The following SLC12A7 variants were observed in gnomAD, a reference collection of about 807,000 sequenced individuals.
SLC12A7 encodes the protein solute carrier family 12 member 7.
In SLC12A7, 100 loss-of-function variants were observed where a neutral mutation model predicts 120.6. The observed-to-expected ratio is 0.83, with a 90% CI of 0.71 to 0.98. The LOEUF is 0.98. Among genes scored for constraint, SLC12A7 ranks in the 50% least tolerant of loss-of-function variants. The pLI, the probability that SLC12A7 is intolerant of heterozygous loss-of-function variation, is 0.00. For synonymous variants in SLC12A7, 760 were observed against 678.0 expected (o/e 1.12, Z -1.88); for missense variants, 1,373 against 1,548.1 (o/e 0.89, Z 1.90).
intron 20 of SLC12A7, among the ~76,000 whole-genome samples, chr5:1,062,584 T>C (rs1023663611): frequency 1.3e-5 from 2 of 151,986 alleles, no homozygotes; most frequent in Non-Finnish European, 2.9e-5. Flanking sequence ...CACAGAAGGT[T>C]GTCGGTGAGG....
the SLC12A7 span, among the ~76,000 whole-genome samples, chr5:1,130,304 G>A: frequency 6.6e-6 from 1 of 152,214 alleles, no homozygotes; most frequent in Non-Finnish European, 1.5e-5. Context: ...CAAGGGACCT[G>A]GGCAGGCACC....
At chr5:1,122,205 C>A in the SLC12A7 span, among the ~76,000 whole-genome samples, 1 of 152,214 alleles carries the variant, frequency 6.6e-6, no homozygotes, top group Non-Finnish European at 1.5e-5. Flanking sequence ...CCTGCCCTTG[C>A]GCATGGGCCT....
chr5:1,127,590 T>C, the SLC12A7 span, among the ~76,000 whole-genome samples: 223 of 152,330 alleles, frequency 1.5e-3, no homozygotes, highest in Non-Finnish European at 2.6e-3. Context: ...AGGAAACTGA[T>C]GGATATACAA....
chr5:1,087,343 G>A (rs985231010), intron 5 of SLC12A7, among the ~76,000 whole-genome samples: 2 of 152,238 alleles, frequency 1.3e-5, no homozygotes, highest in Non-Finnish European at 2.9e-5. Context: ...GCGTACATCA[G>A]TGGCAGCCCC....
chr5:1,079,915 C>G (rs77464269), intron 9 of SLC12A7, among the ~76,000 whole-genome samples: 1 of 152,212 alleles, frequency 6.6e-6, no homozygotes, highest in Non-Finnish European at 1.5e-5. Flanking sequence ...GGCCAGCAGA[C>G]GCTGCGACCC....
In SLC12A7 at chr5:1,073,699, G is replaced by C. The variant is rs753976124; in HGVS notation, c.2175C>G (p.Thr725=). Reference sequence around the variant, plus strand: ...TCCCCTCCAGCACCGAGCCCACGATGGTCAGGCCCTTGCCGGCCTTCAGCT... The same window carrying C: ...TCCCCTCCAGCACCGAGCCCACGATCGTCAGGCCCTTGCCGGCCTTCAGCT... The part of the protein sequence containing the change: ...TSQLKAGKGL[T]IVGSVLEGTY... The change falls in exon 17 of 24, where the codon ACC becomes ACG. Residue 725 remains threonine (T), a synonymous_variant. Transcript: ENST00000264930. The C allele has an allele frequency of 2.6e-6, 4 of 1,562,478 alleles. No homozygotes were observed. Among genetic ancestry groups the C allele is most frequent in the Middle Eastern group, 1.7e-4 (1 of 5,892 alleles).
At chr5:1,064,051 T>C in intron 19 of SLC12A7, 32 bp downstream of exon 19, 1 of 1,600,484 alleles carries the variant, frequency 6.2e-7, no homozygotes, top group Non-Finnish European at 8.5e-7. Context: ...GTGGCCGTGC[T>C]CCGGCTGGCG....
the SLC12A7 span, among the ~76,000 whole-genome samples, chr5:1,132,060 G>A: frequency 2.0e-5 from 3 of 152,178 alleles, no homozygotes; most frequent in South Asian, 2.1e-4. Context: ...GAGGCAGGTC[G>A]TTAAAACCTT....
the SLC12A7 span, among the ~76,000 whole-genome samples, chr5:1,154,133 C>T: frequency 6.6e-6 from 1 of 151,318 alleles, no homozygotes; most frequent in African/African-American, 2.4e-5. Flanking sequence ...CCCTAACCCA[C>T]AGGAACAAGT....
intron 11 of SLC12A7, 170 bp downstream of exon 11, chr5:1,078,531 G>A (rs575501027): frequency 2.8e-5 from 18 of 652,822 alleles, no homozygotes; most frequent in African/African-American, 7.2e-5. Context: ...AGGCTCCAGC[G>A]GAAGAGACGA....
chr5:1,123,167 C>G, the SLC12A7 span, among the ~76,000 whole-genome samples: 3 of 152,236 alleles, frequency 2.0e-5, no homozygotes, highest in African/African-American at 7.2e-5. Context: ...TTACACTTGG[C>G]TCAGATAAGG....
At chr5:1,098,918 T>A (rs1049552035) in intron 1 of SLC12A7, among the ~76,000 whole-genome samples, 1 of 151,832 alleles carries the variant, frequency 6.6e-6, no homozygotes, top group Non-Finnish European at 1.5e-5. Context: ...GTTTTGGGGA[T>A]AGAGCCACTC....
intron 1 of SLC12A7, among the ~76,000 whole-genome samples, chr5:1,111,253 A>C (rs1742977000): frequency 6.6e-6 from 1 of 152,082 alleles, no homozygotes; most frequent in Non-Finnish European, 1.5e-5. Flanking sequence ...CCCTAGAGAA[A>C]GTGAAAGTGC....
chr5:1,110,605 C>T (rs1742925099), intron 1 of SLC12A7, among the ~76,000 whole-genome samples: 1 of 152,244 alleles, frequency 6.6e-6, no homozygotes, highest in Admixed American at 6.5e-5. Context: ...GTTCCGGGGG[C>T]GTTGCTACAA....
chr5:1,142,349 TCCCTCTCCCCTCTCCCCTCCA>T, the SLC12A7 span, among the ~76,000 whole-genome samples: 4 of 42,638 alleles, frequency 9.4e-5, no homozygotes, highest in Non-Finnish European at 1.5e-4. Flanking sequence ...TCTCCCCTCT[TCCCTCTCCCCTCTCCCCTCCA>T]CCCTCTCCTG....
At chr5:1,108,019 A>AAGACACACATACAC (rs1554024165) in intron 1 of SLC12A7, among the ~76,000 whole-genome samples, 11 of 41,394 alleles carry the variant, frequency 2.7e-4, no homozygotes, top group African/African-American at 1.6e-3. Flanking sequence ...ACAGCATACA[A>AAGACACACATACAC]ACACACACAT....
At chr5:1,058,364 C>G (rs762657193) in intron 21 of SLC12A7, among the ~76,000 whole-genome samples, 7 of 152,240 alleles carry the variant, frequency 4.6e-5, no homozygotes, top group Non-Finnish European at 7.3e-5. Flanking sequence ...TCCATGCTGT[C>G]GTGGCCAGCC....
the SLC12A7 span, among the ~76,000 whole-genome samples, chr5:1,139,734 T>C: frequency 6.6e-6 from 1 of 152,100 alleles, no homozygotes; most frequent in African/African-American, 2.4e-5. Context: ...CCCACGTCCC[T>C]CCTCCCGGCA....
the SLC12A7 span, among the ~76,000 whole-genome samples, chr5:1,143,129 G>A: frequency 6.6e-6 from 1 of 152,208 alleles, no homozygotes; most frequent in Non-Finnish European, 1.5e-5. Flanking sequence ...TCCATCCGCA[G>A]GGTCAGAAGC....
Sources: allele counts gnomAD v4.1 joint callset (sites outside exome capture counted in the v4.1 genomes callset), GRCh38; gene constraint gnomAD v4.1.1; transcripts MANE v1.5; gene names NCBI Gene and HGNC (gene_info 2026-07-23, HGNC 2026-07-21).